The following PCDHGA4 variants were observed in gnomAD, a reference collection of about 807,000 sequenced individuals.
PCDHGA4 encodes the protein protocadherin gamma-A4.
Under a neutral mutation model 54.6 loss-of-function variants are expected in PCDHGA4, and 38 were observed. The observed-to-expected ratio is 0.70, with a 90% CI of 0.54 to 0.91. The LOEUF (loss-of-function observed/expected upper bound fraction) is 0.91. Among genes scored for constraint, PCDHGA4 ranks in the 40% least tolerant of loss-of-function variants. The pLI, the probability that PCDHGA4 is intolerant of heterozygous loss-of-function variation, is 0.00. For missense variants in PCDHGA4, 1,298 were observed against 1,220.9 expected (o/e 1.06, Z -0.94); for synonymous variants, 511 against 512.9 (o/e 1.00, Z 0.05).
In PCDHGA4 at chr5:141,432,545, A is replaced by G; in HGVS notation, c.2515-62262A>G. Reference sequence around the variant, plus strand: ...GGTGACCAAGGTGGTGGCGGTGGACAGAGACTCCGGCCAGAACGCCTGGCT... The same window carrying G: ...GGTGACCAAGGTGGTGGCGGTGGACGGAGACTCCGGCCAGAACGCCTGGCT... On this transcript the variant is annotated intron_variant, in intron 1 of 3. Coordinates refer to ENST00000571252, the MANE Select transcript of PCDHGA4 (RefSeq NM_018917.4). This position sits in a 1 kb window ranked among gnomAD's most constrained non-coding sequence, Gnocchi z 6.0. The G allele has an allele frequency of 1.2e-6, 2 of 1,613,876 alleles. No homozygotes were observed. Among genetic ancestry groups the G allele is most frequent in the Non-Finnish European group, 1.7e-6 (2 of 1,179,984 alleles).
chr5:141,392,915 T>A, intron 1 of PCDHGA4: 2 of 1,613,920 alleles, frequency 1.2e-6, no homozygotes, highest in Non-Finnish European at 1.7e-6. Flanking sequence ...TTCGCTACTC[T>A]GTGCCAGAAG....
intron 1 of PCDHGA4, among the ~76,000 whole-genome samples, chr5:141,397,520 TA>T (rs2093534630): frequency 6.6e-6 from 1 of 152,170 alleles, no homozygotes; most frequent in South Asian, 2.1e-4. Flanking sequence ...CCATAGCTAA[TA>T]AAAAATGAAT....
intron 1 of PCDHGA4, chr5:141,410,263 A>G (rs532833925): frequency 1.4e-5 from 22 of 1,613,876 alleles, no homozygotes; most frequent in African/African-American, 2.7e-5. Flanking sequence ...CCCAGGCTGA[A>G]CTGCAGTTTT....
chr5:141,366,178 CTT>C lies in PCDHGA4; in HGVS notation c.2514+8559_2514+8560del, dbSNP rs35325687. On this transcript the variant is annotated intron_variant, in intron 1 of 3. Coordinates refer to ENST00000571252, the MANE Select transcript of PCDHGA4 (RefSeq NM_018917.4). Reference sequence around the variant, plus strand: ...TGCTTAAGGCCAGCGAGCCAGGACTCTTTGCGGTTGGGCTGCACACGGGCGAG... The same window carrying C: ...TGCTTAAGGCCAGCGAGCCAGGACTCTGCGGTTGGGCTGCACACGGGCGAG... The C allele has an allele frequency of 1.5e-5, 24 of 1,613,926 alleles. No homozygotes were observed. In the Admixed American group the frequency reaches 3.5e-4, roughly 24 times the overall value.
At chr5:141,371,163 G>A (rs79773129) in intron 1 of PCDHGA4, 6 of 1,613,984 alleles carry the variant, frequency 3.7e-6, no homozygotes, top group African/African-American at 1.3e-5. Flanking sequence ...GAACCTGCCC[G>A]CTGGCTCCTC....
chr5:141,440,008 C>G, intron 1 of PCDHGA4: 1 of 153,238 alleles, frequency 6.5e-6, no homozygotes. Context: ...GAAACCTTGC[C>G]AAGGATCTGG....
intron 1 of PCDHGA4, among the ~76,000 whole-genome samples, chr5:141,473,775 T>A (rs1219791398): frequency 6.6e-6 from 1 of 152,190 alleles, no homozygotes; most frequent in African/African-American, 2.4e-5. Flanking sequence ...ATTTGGTATT[T>A]TAATTCAAGA....
At chr5:141,404,530 A>C in intron 1 of PCDHGA4, 1 of 1,614,008 alleles carries the variant, frequency 6.2e-7, no homozygotes, top group Non-Finnish European at 8.5e-7. Flanking sequence ...AGCAGTTTAG[A>C]GATTTGCAAA....
chr5:141,413,588 A>G, intron 1 of PCDHGA4: 1 of 1,613,922 alleles, frequency 6.2e-7, no homozygotes, highest in Non-Finnish European at 8.5e-7. Context: ...CCAAAATTCC[A>G]AGCAGAAAAT....
At chr5:141,386,498 A>G (rs961063181) in intron 1 of PCDHGA4, among the ~76,000 whole-genome samples, 2 of 135,914 alleles carry the variant, frequency 1.5e-5, no homozygotes, top group African/African-American at 5.6e-5. Context: ...TAATATAACA[A>G]GACTCTGTCT....
chr5:141,403,773 A>T, intron 1 of PCDHGA4: 1 of 1,613,956 alleles, frequency 6.2e-7, no homozygotes, highest in South Asian at 1.1e-5. Context: ...GAGGGAATCA[A>T]CGGAAAAGTG....
At chr5:141,502,140 G>A (rs534984161) in intron 2 of PCDHGA4, among the ~76,000 whole-genome samples, 1 of 152,268 alleles carries the variant, frequency 6.6e-6, no homozygotes, top group South Asian at 2.1e-4. Context: ...CAGTCGGGCC[G>A]GAAGTAAGGA....
chr5:141,414,421 A>AGGGAACAG (rs1486483287), intron 1 of PCDHGA4: 1 of 1,613,776 alleles, frequency 6.2e-7, no homozygotes, highest in Non-Finnish European at 8.5e-7. Context: ...AGCCCTTGAC[A>AGGGAACAG]GGGAACAGGT....
chr5:141,389,993 G>GCTCT (rs1379154076), intron 1 of PCDHGA4: 4 of 1,614,016 alleles, frequency 2.5e-6, no homozygotes, highest in Non-Finnish European at 2.5e-6. Flanking sequence ...TCTTCCTCGT[G>GCTCT]GCCATGATTC....
At chr5:141,395,508 A>G (rs1313015738) in intron 1 of PCDHGA4, 3 of 461,062 alleles carry the variant, frequency 6.5e-6, no homozygotes, top group Non-Finnish European at 1.1e-5. Flanking sequence ...CTTAAGAAGT[A>G]GCTACCCGTC....
chr5:141,424,100 G>A (rs1362239131), intron 1 of PCDHGA4: 1 of 832,456 alleles, frequency 1.2e-6, no homozygotes, highest in East Asian at 1.2e-4. Flanking sequence ...TGCTATTACT[G>A]CTAATGTTCA....
intron 1 of PCDHGA4, among the ~76,000 whole-genome samples, chr5:141,465,206 C>T (rs375753635): frequency 1.8e-4 from 27 of 151,896 alleles, no homozygotes; most frequent in Middle Eastern, 3.4e-3. Context: ...AAAATATAAG[C>T]TTTATTTTTC....
chr5:141,451,414 A>G (rs934393544), intron 1 of PCDHGA4, among the ~76,000 whole-genome samples: 2 of 152,108 alleles, frequency 1.3e-5, no homozygotes, highest in African/African-American at 2.4e-5. Flanking sequence ...TTCCTTGTGG[A>G]TTGTTAGACT....
chr5:141,381,977 G>A lies in PCDHGA4; in HGVS notation c.2514+24356G>A, dbSNP rs61025717. Among the ~76,000 whole-genome samples, 1,494 of 151,364 alleles carry A rather than the reference G, an allele frequency of 9.9e-3. 24 individuals are homozygous for A. The highest frequency in any genetic ancestry group is 0.034 in the African/African-American group (1,395 of 41,190). On this transcript the variant is annotated intron_variant, in intron 1 of 3. Coordinates refer to ENST00000571252, the MANE Select transcript of PCDHGA4 (RefSeq NM_018917.4). ...CCTGAGTAGCTGGGATTACAGGCGC[G>A]CGCCACCACGCCCGGATAATTTTGT...
Sources: gnomAD v4.1 joint callset for allele counts (sites outside exome capture counted in the v4.1 genomes callset) on GRCh38, gnomAD v4.1.1 for gene constraint, Gnocchi (gnomAD v3.1) non-coding constraint, MANE v1.5 for transcripts, NCBI Gene and HGNC (gene_info 2026-07-23, HGNC 2026-07-21) for gene names.